The following HORMAD2 variants were observed in gnomAD, a reference collection of about 807,000 sequenced individuals.
The protein encoded by HORMAD2 is HORMA domain containing 2, also known as HORMA domain-containing protein 2.
Under a neutral mutation model 38.8 loss-of-function variants are expected in HORMAD2, and 45 were observed. The observed-to-expected ratio is 1.16, with a 90% CI of 0.91 to 1.49. The LOEUF (loss-of-function observed/expected upper bound fraction) is 1.49, where lower values mean the gene tolerates loss of function less well. Ranked by LOEUF, HORMAD2 falls within the 40% of genes most tolerant of loss-of-function variation. The pLI is 0.00. For synonymous variants in HORMAD2, 126 were observed against 122.8 expected, an observed-to-expected ratio of 1.03 and a Z score of -0.17; for missense variants, 338 against 367.0, an observed-to-expected ratio of 0.92 and a Z score of 0.65.
chr22:30,105,264 C>T, intron 5 of HORMAD2: 1 of 172,820 alleles, frequency 5.8e-6, no homozygotes, highest in East Asian at 1.4e-4. Flanking sequence ...AGGGTGAAGC[C>T]ACACACCTCT....
rs1352811903 is a variant in HORMAD2, at chr22:30,176,698, T to C, written c.*531T>C. 3.3e-5 allele frequency: 5 copies of C among 153,120 alleles called. No individual in the cohort carries two copies. In the Admixed American group the frequency reaches 3.3e-4, roughly 10 times the overall value. The allele number at this position is 153,120 out of a possible 1,614,324, so 9.5% of individuals were successfully genotyped here. ...TGATCAGCTAATTGTGGGACCAAAA[T>C]GTGCCCTGCCTCAACTCTGGCCCCA... On this transcript the variant is annotated 3_prime_UTR_variant, in exon 11 of 11. Coordinates refer to ENST00000336726, the MANE Select transcript of HORMAD2 (RefSeq NM_152510.4).
chr22:30,195,439 A>T, the HORMAD2 span, among the ~76,000 whole-genome samples: 1 of 152,284 alleles, frequency 6.6e-6, no homozygotes, highest in South Asian at 2.1e-4. Flanking sequence ...GATAAGAAGG[A>T]TTCACAAAGA....
intron 10 of HORMAD2, among the ~76,000 whole-genome samples, chr22:30,155,268 G>A (rs140339375): frequency 6.6e-6 from 1 of 152,174 alleles, no homozygotes; most frequent in African/African-American, 2.4e-5. Context: ...TAATTAATAA[G>A]TAGTTTATAG....
At chr22:30,157,624 A>G (rs952416287) in intron 10 of HORMAD2, among the ~76,000 whole-genome samples, 2 of 152,162 alleles carry the variant, frequency 1.3e-5, no homozygotes, top group African/African-American at 4.8e-5. Flanking sequence ...TTCAGTTTTC[A>G]GTGTCTCTAG....
intron 3 of HORMAD2, among the ~76,000 whole-genome samples, chr22:30,102,713 C>A (rs1048059518): frequency 1.3e-5 from 2 of 152,186 alleles, no homozygotes; most frequent in African/African-American, 2.4e-5. Flanking sequence ...ACAGCTTCGA[C>A]CTTCCAGCCT....
intron 10 of HORMAD2, among the ~76,000 whole-genome samples, chr22:30,138,280 C>A (rs894890154): frequency 6.7e-6 from 1 of 148,454 alleles, no homozygotes; most frequent in African/African-American, 2.5e-5. Context: ...TGCTCTGTTG[C>A]CTAGGCAACA....
intron 10 of HORMAD2, among the ~76,000 whole-genome samples, chr22:30,161,178 G>A (rs922854278): frequency 6.6e-6 from 1 of 152,144 alleles, no homozygotes; most frequent in Admixed American, 6.5e-5. Context: ...TTTAGATATT[G>A]CACCAATAGA....
intron 1 of HORMAD2, among the ~76,000 whole-genome samples, chr22:30,085,893 G>A (rs187663884): frequency 1.3e-3 from 204 of 152,328 alleles, no homozygotes; most frequent in African/African-American, 4.6e-3. Context: ...ATATTGCAAA[G>A]GGCACATAAC....
At chr22:30,172,546 A>G (rs1393129790) in intron 10 of HORMAD2, among the ~76,000 whole-genome samples, 1 of 152,124 alleles carries the variant, frequency 6.6e-6, no homozygotes. Flanking sequence ...TTCAGCCAAT[A>G]ATTAAAGAGC....
downstream of HORMAD2, among the ~76,000 whole-genome samples, chr22:30,181,075 G>A (rs1275081995): frequency 1.3e-5 from 2 of 149,982 alleles, no homozygotes; most frequent in Non-Finnish European, 3.0e-5. Context: ...TATCACCCAG[G>A]CTGGAGTGCA....
intron 4 of HORMAD2, among the ~76,000 whole-genome samples, chr22:30,103,881 C>G (rs372352168): frequency 1.3e-5 from 2 of 151,238 alleles, no homozygotes; most frequent in Non-Finnish European, 2.9e-5. Context: ...AGGATGGTCT[C>G]GATCTCTTGA....
chr22:30,192,512 T>C, the HORMAD2 span, among the ~76,000 whole-genome samples: 1 of 152,100 alleles, frequency 6.6e-6, no homozygotes, highest in South Asian at 2.1e-4. Flanking sequence ...CTGGAAAAGT[T>C]TCAGAACAAA....
the HORMAD2 span, among the ~76,000 whole-genome samples, chr22:30,190,092 G>A: frequency 2.0e-5 from 3 of 152,218 alleles, no homozygotes; most frequent in African/African-American, 7.2e-5. Context: ...TGTGGGCTTG[G>A]GTGAGCAATT....
At chr22:30,102,253 T>C (rs557058749) in intron 3 of HORMAD2, among the ~76,000 whole-genome samples, 1 of 152,342 alleles carries the variant, frequency 6.6e-6, no homozygotes, top group Non-Finnish European at 1.5e-5. Context: ...TTTTCCCTCT[T>C]GTCTAGAACA....
At chr22:30,097,839 G>A (rs536529998) in intron 2 of HORMAD2, among the ~76,000 whole-genome samples, 1 of 152,330 alleles carries the variant, frequency 6.6e-6, no homozygotes, top group Admixed American at 6.5e-5. Flanking sequence ...AGAATCGTTA[G>A]CAAAGAGATA....
intron 5 of HORMAD2, among the ~76,000 whole-genome samples, chr22:30,107,749 CAAATAAAT>C (rs554068125): frequency 7.3e-5 from 11 of 151,664 alleles, no homozygotes; most frequent in Middle Eastern, 3.4e-3. Context: ...AACTTCATCT[CAAATAAAT>C]AAATAAATAA....
rs66636269 is a variant in HORMAD2 at position 30,130,586 on chromosome 22, CTTTTTTTTTTTT to C, written c.819+8383_819+8394del. 3.4e-5 allele frequency among the ~76,000 whole-genome samples: 3 copies of C among 87,912 alleles called. No individual in the cohort carries two copies. In the Admixed American group the frequency reaches 4.2e-4, roughly 12 times the overall value. The allele number at this position is 87,912 out of a possible 152,430, so 57.7% of individuals were successfully genotyped here. A position where few individuals can be genotyped will look rare whatever the true frequency, so the allele number is the denominator to read the frequency against. ...GGACAGGTCTTCATTCTTTTCTTTTCTTTTTTTTTTTTTTTTTTTTTTGAGACAGGGTCTCAC... is the reference window on the plus strand; with the variant it reads ...GGACAGGTCTTCATTCTTTTCTTTTCTTTTTTTTTTGAGACAGGGTCTCAC... On this transcript the variant is annotated intron_variant, in intron 10 of 10. Coordinates refer to ENST00000336726, the MANE Select transcript of HORMAD2 (RefSeq NM_152510.4).
downstream of HORMAD2, among the ~76,000 whole-genome samples, chr22:30,179,031 T>C (rs1926595276): frequency 6.6e-6 from 1 of 152,136 alleles, no homozygotes; most frequent in Non-Finnish European, 1.5e-5. Flanking sequence ...TTCATCAGTA[T>C]CAAAGTTGCA....
chr22:30,116,097 A>G (rs924178832), intron 7 of HORMAD2, among the ~76,000 whole-genome samples: 4 of 152,154 alleles, frequency 2.6e-5, no homozygotes, highest in Non-Finnish European at 2.9e-5. Flanking sequence ...GAATATTATT[A>G]TTATCATTAA....
Sources: gnomAD v4.1 joint callset for allele counts (sites outside exome capture counted in the v4.1 genomes callset) on GRCh38, gnomAD v4.1.1 for gene constraint, MANE v1.5 for transcripts, NCBI Gene and HGNC (gene_info 2026-07-23, HGNC 2026-07-21) for gene names.